COL4A6: variants seen among roughly 807,000 people sequenced by gnomAD.
COL4A6 encodes collagen type IV alpha 6 chain, also known as collagen alpha-6(IV) chain.
Under a neutral mutation model 126.7 loss-of-function variants are expected in COL4A6, and 59 were observed. The ratio of observed to expected loss-of-function variants is 0.47; its 90% CI spans 0.38 to 0.58. COL4A6 has a LOEUF of 0.58. Among genes scored for constraint, COL4A6 ranks in the 20% least tolerant of loss-of-function variants. The pLI, the probability that COL4A6 is intolerant of heterozygous loss-of-function variation, is 0.00. For synonymous variants in COL4A6, 547 were observed against 496.6 expected (o/e 1.10, Z -1.35); for missense variants, 1,285 against 1,337.3 (o/e 0.96, Z 0.61).
chrX:108,249,812 C>T (rs1379736181), intron 3 of COL4A6, among the ~76,000 whole-genome samples: 1 of 111,421 alleles, frequency 9.0e-6, no homozygotes, highest in Non-Finnish European at 1.9e-5. Context: ...AGCCTCTGTT[C>T]TCTCCATTCC....
At position 108,288,965 on chromosome X, in the gene COL4A6, TCTAA is replaced by T. The variant is rs757688544; in HGVS notation, c.144+21779_144+21782del. Among the ~76,000 whole-genome samples the T allele has an allele frequency of 3.8e-3, 422 of 111,356 alleles. 1 individual carries two copies. The highest frequency in any genetic ancestry group is 0.013 in the African/African-American group (412 of 30,636). Reference sequence around the variant, plus strand: ...TATTCATGAGAAATAATCAGACAAATCTAACTGAGAGATATTCTGCAAAACAACT... The same window carrying T: ...TATTCATGAGAAATAATCAGACAAATCTGAGAGATATTCTGCAAAACAACT... On this transcript the variant is annotated intron_variant, in intron 3 of 44. Coordinates refer to ENST00000334504, the MANE Select transcript of COL4A6 (RefSeq NM_033641.4).
At chrX:108,292,953 GAA>G (rs1299619024) in intron 3 of COL4A6, among the ~76,000 whole-genome samples, 3 of 13,279 alleles carry the variant, frequency 2.3e-4, no homozygotes, top group Non-Finnish European at 4.9e-4. Flanking sequence ...CGTCTCTTAG[GAA>G]AAAAAAAAAA....
At chrX:108,244,720 C>G (rs2036667472) in intron 3 of COL4A6, among the ~76,000 whole-genome samples, 1 of 111,596 alleles carries the variant, frequency 9.0e-6, no homozygotes, top group Non-Finnish European at 1.9e-5. Flanking sequence ...GTTCAACTGT[C>G]CTAACCACCA....
intron 2 of COL4A6, among the ~76,000 whole-genome samples, chrX:108,370,526 T>G (rs2040300841): frequency 1.8e-5 from 2 of 111,937 alleles, no homozygotes; most frequent in Admixed American, 1.9e-4. Flanking sequence ...AAGCTGGAGT[T>G]TGGAGAAAAG....
At chrX:108,230,612 A>C (rs920268726) in intron 3 of COL4A6, among the ~76,000 whole-genome samples, 2 of 112,346 alleles carry the variant, frequency 1.8e-5, no homozygotes, top group African/African-American at 3.2e-5. Flanking sequence ...TAAGAAAGAT[A>C]CTAATAATAA....
In COL4A6 at chrX:108,172,481, G is replaced by C; in HGVS notation, c.3190C>G (p.Pro1064Ala). The change falls in exon 32 of 45, where the codon CCA becomes GCA. Residue 1064 changes from proline to alanine, a missense_variant. Physicochemically the swap from Pro to Ala is conservative, Grantham distance 27 (BLOSUM62 -1). Coordinates refer to ENST00000334504, the MANE Select transcript of COL4A6 (RefSeq NM_033641.4). ...SPGLPGASGL[P>A]GLKGDNGQTV... ...AAATGCTCCTTACCTTTCAGGCCTG[G>C]GAGACCAGATGCTCCTGGGAGTCCA... 8.3e-7 allele frequency: 1 copy of C among 1,204,922 alleles called. No homozygotes were observed. The highest frequency in any genetic ancestry group is 1.1e-6 in the Non-Finnish European group (1 of 891,872).
In COL4A6 at chrX:108,196,929, C is replaced by T. The variant is rs140565566; in HGVS notation, c.835-350G>A. Among the ~76,000 whole-genome samples, 16 of 111,857 alleles carry T rather than the reference C, an allele frequency of 1.4e-4. No individual in the cohort carries two copies. The East Asian group carries it at 4.5e-3, about 32-fold the overall frequency. ...GATGGGTTAAAAATGAATGAGAAAG[C>T]CATATCTTGTGTTTTTCATTCCGGG... On this transcript the variant is annotated intron_variant, in intron 13 of 44. Coordinates refer to ENST00000334504, the MANE Select transcript of COL4A6 (RefSeq NM_033641.4).
intron 2 of COL4A6, among the ~76,000 whole-genome samples, chrX:108,415,195 A>G (rs1193622701): frequency 1.8e-5 from 2 of 112,334 alleles, no homozygotes; most frequent in Non-Finnish European, 3.8e-5. Context: ...GATTTATGAA[A>G]GAATGAGGGA....
At chrX:108,323,229 C>A (rs752075445) in intron 2 of COL4A6, among the ~76,000 whole-genome samples, 1 of 111,910 alleles carries the variant, frequency 8.9e-6, no homozygotes, top group East Asian at 2.8e-4. Context: ...TGAGTGCCTG[C>A]TGTATGCTTG....
intron 2 of COL4A6, among the ~76,000 whole-genome samples, chrX:108,342,340 A>G (rs1206012680): frequency 8.9e-6 from 1 of 112,113 alleles, no homozygotes; most frequent in Non-Finnish European, 1.9e-5. Flanking sequence ...TGCTAATTCA[A>G]TAAATTGTAT....
At chrX:108,245,132 T>C (rs145283429) in intron 3 of COL4A6, among the ~76,000 whole-genome samples, 1,664 of 112,392 alleles carry the variant, frequency 0.015, 30 homozygotes, top group African/African-American at 0.051. Flanking sequence ...TCCCACCTAG[T>C]TTAAAAGACT....
chrX:108,190,349 TA>T, intron 20 of COL4A6, 42 bp downstream of exon 20: 1 of 973,432 alleles, frequency 1.0e-6, no homozygotes, highest in Non-Finnish European at 1.5e-6. Flanking sequence ...AAGCCTTCTC[TA>T]AGGAGTTTGG....
chrX:108,271,727 T>C (rs1222254423), intron 3 of COL4A6, among the ~76,000 whole-genome samples: 1 of 111,420 alleles, frequency 9.0e-6, no homozygotes, highest in Non-Finnish European at 1.9e-5. Context: ...GGGAAAAAAA[T>C]CATACTCTAT....
intron 2 of COL4A6, among the ~76,000 whole-genome samples, chrX:108,417,286 C>T (rs963769190): frequency 1.3e-4 from 15 of 111,654 alleles, no homozygotes; most frequent in African/African-American, 4.6e-4. Context: ...AACCTACCAC[C>T]CTACTGCGTT....
chrX:108,184,476 T>C (rs1030491588), intron 23 of COL4A6, among the ~76,000 whole-genome samples: 2 of 111,530 alleles, frequency 1.8e-5, no homozygotes, highest in African/African-American at 6.5e-5. Flanking sequence ...GACTGGGTTA[T>C]TTCTCAAGGG....
chrX:108,189,738 G>T (rs1313140790), intron 20 of COL4A6, among the ~76,000 whole-genome samples: 1 of 112,359 alleles, frequency 8.9e-6, no homozygotes, highest in Non-Finnish European at 1.9e-5. Flanking sequence ...GGAGCAATGA[G>T]AAAGGAGAGG....
intron 2 of COL4A6, among the ~76,000 whole-genome samples, chrX:108,319,590 AG>A (rs1034029943): frequency 8.9e-6 from 1 of 112,122 alleles, no homozygotes; most frequent in African/African-American, 3.2e-5. Flanking sequence ...AATTGTTGAC[AG>A]GTCAAGTAAG....
At chrX:108,255,880 T>C (rs181023970) in intron 3 of COL4A6, among the ~76,000 whole-genome samples, 173 of 111,306 alleles carry the variant, frequency 1.6e-3, no homozygotes, top group African/African-American at 5.4e-3. Context: ...GCATTAGAGA[T>C]ACAGCTGCCA....
chrX:108,269,805 T>C (rs1268507685), intron 3 of COL4A6, among the ~76,000 whole-genome samples: 1 of 111,866 alleles, frequency 8.9e-6, no homozygotes, highest in Non-Finnish European at 1.9e-5. Context: ...CTGGTATGTA[T>C]GTTTCAGGGG....
Sources: gnomAD v4.1 joint callset for allele counts (sites outside exome capture counted in the v4.1 genomes callset) on GRCh38, gnomAD v4.1.1 for gene constraint, MANE v1.5 for transcripts, NCBI Gene and HGNC (gene_info 2026-07-23, HGNC 2026-07-21) for gene names.